Variants in CCPG1 observed in about 807,000 individuals in gnomAD.
CCPG1 encodes the protein cell cycle progression protein 1.
Under a neutral mutation model 81.3 loss-of-function variants are expected in CCPG1, and 46 were observed. The observed-to-expected ratio is 0.57, with a 90% CI of 0.45 to 0.72. The LOEUF (loss-of-function observed/expected upper bound fraction) is 0.72. CCPG1 is among the 30% of genes least tolerant of loss of function. The probability of loss-of-function intolerance (pLI) is 0.00; values close to 1 mark genes in which losing one functional copy is unlikely to be tolerated. For missense variants in CCPG1, 902 were observed against 937.6 expected (o/e 0.96, Z 0.50); for synonymous variants, 330 against 305.2 (o/e 1.08, Z -0.85).
At chr15:55,380,638 G>GA (rs1168957029) in intron 3 of CCPG1, among the ~76,000 whole-genome samples, 3 of 150,700 alleles carry the variant, frequency 2.0e-5, no homozygotes, top group Non-Finnish European at 3.0e-5. Flanking sequence ...AAAGAACAGG[G>GA]AAAAAAAAAT....
intron 1 of CCPG1, among the ~76,000 whole-genome samples, chr15:55,395,938 G>A (rs2057008244): frequency 6.6e-6 from 1 of 152,036 alleles, no homozygotes; most frequent in African/African-American, 2.4e-5. Flanking sequence ...GGCAGATCAG[G>A]AGGTCAGGAG....
chr15:55,376,294 C>G (rs970799478), intron 5 of CCPG1, among the ~76,000 whole-genome samples: 1 of 152,178 alleles, frequency 6.6e-6, no homozygotes, highest in Non-Finnish European at 1.5e-5. Flanking sequence ...ACTGCTAAAA[C>G]TGAGCTGAAG....
At position 55,360,618 on chromosome 15, in the gene CCPG1, T is replaced by A; in HGVS notation, c.1155A>T (p.Glu385Asp). 1 of 1,614,126 alleles carries A rather than the reference T, an allele frequency of 6.2e-7. No individual in the cohort carries two copies. The highest frequency in any genetic ancestry group is 8.5e-7 in the Non-Finnish European group (1 of 1,180,012). ...LLTEAKMLKR[E>D]LERERLVTTA... ...TAGTTACTAGTCGTTCTCTCTCCAGTTCTCTCTTTAGCATCTTTGCTTCTG... is the reference window on the plus strand; with the variant it reads ...TAGTTACTAGTCGTTCTCTCTCCAGATCTCTCTTTAGCATCTTTGCTTCTG... Residue 385 changes from glutamate (E) to aspartate (D), a missense_variant, in exon 8 of 9, where the codon GAA (glutamate) becomes GAT (aspartate). By Grantham distance (45) the Glu-to-Asp change is conservative. Transcript: ENST00000442196.
At chr15:55,400,941 G>A (rs1158571798) in intron 1 of CCPG1, among the ~76,000 whole-genome samples, 1 of 152,094 alleles carries the variant, frequency 6.6e-6, no homozygotes, top group Non-Finnish European at 1.5e-5. Flanking sequence ...TCTTTATTAT[G>A]TTTCAAATTT....
intron 8 of CCPG1, chr15:55,358,998 G>A: frequency 1.0e-6 from 1 of 979,038 alleles, no homozygotes; most frequent in Non-Finnish European, 1.2e-6. Context: ...AATTTGACTT[G>A]CTTAGTTTGC....
intron 5 of CCPG1, chr15:55,374,291 A>G: frequency 1.9e-6 from 2 of 1,033,108 alleles, no homozygotes; most frequent in Non-Finnish European, 2.6e-6. Flanking sequence ...ATAAAGCTAT[A>G]TTATAAAGAC....
chr15:55,357,264 G>T, intron 8 of CCPG1: 1 of 968,554 alleles, frequency 1.0e-6, no homozygotes, highest in Non-Finnish European at 1.2e-6. Context: ...CAGAAATCTA[G>T]AAGTCACTGT....
intron 1 of CCPG1, among the ~76,000 whole-genome samples, chr15:55,392,485 G>A (rs557683716): frequency 6.6e-6 from 1 of 151,578 alleles, no homozygotes; most frequent in Non-Finnish European, 1.5e-5. Context: ...CCAAAGTGCT[G>A]GGATTACAAG....
chr15:55,376,733 A>C (rs906292016), intron 5 of CCPG1, among the ~76,000 whole-genome samples: 2 of 152,204 alleles, frequency 1.3e-5, no homozygotes, highest in Non-Finnish European at 2.9e-5. Flanking sequence ...ATTTAATGGC[A>C]AAAGATGGTT....
At chr15:55,378,424 T>C (rs1332807849) in intron 3 of CCPG1, 48 bp from the exon 4 acceptor site, 5 of 1,190,908 alleles carry the variant, frequency 4.2e-6, no homozygotes, top group Admixed American at 2.0e-5. Flanking sequence ...TTTAAAACTC[T>C]CTGTTGACTT....
At chr15:55,372,431 C>A (rs990343740) in intron 5 of CCPG1, 8 of 217,630 alleles carry the variant, frequency 3.7e-5, no homozygotes, top group African/African-American at 1.9e-4. Context: ...GAGGCCGAGG[C>A]GGGCAGATCA....
chr15:55,381,086 G>A (rs1347040631), intron 3 of CCPG1, among the ~76,000 whole-genome samples: 1 of 151,722 alleles, frequency 6.6e-6, no homozygotes, highest in Non-Finnish European at 1.5e-5. Context: ...GCAGCGAGCC[G>A]AGATCCCGCC....
At chr15:55,363,365 A>G (rs1405486600) in intron 7 of CCPG1, among the ~76,000 whole-genome samples, 1 of 101,516 alleles carries the variant, frequency 9.9e-6, no homozygotes, top group African/African-American at 7.6e-5. Context: ...AAAACAAACA[A>G]AACAAAAAAA....
intron 2 of CCPG1, 131 bp downstream of exon 2, chr15:55,389,234 A>G (rs1018163208): frequency 1.2e-5 from 8 of 650,158 alleles, no homozygotes; most frequent in Admixed American, 8.0e-5. Flanking sequence ...GAAGTTTAAT[A>G]TGAGAGGGAA....
chr15:55,392,681 T>C (rs934883034), intron 1 of CCPG1, among the ~76,000 whole-genome samples: 1 of 152,090 alleles, frequency 6.6e-6, no homozygotes, highest in African/African-American at 2.4e-5. Flanking sequence ...CCACCATGCC[T>C]AATATTTGTA....
intron 8 of CCPG1, chr15:55,357,098 GCAA>G: frequency 2.0e-6 from 2 of 985,206 alleles, no homozygotes; most frequent in Non-Finnish European, 2.4e-6. Flanking sequence ...TACAGTCTCG[GCAA>G]AAGAGATGAC....
intron 8 of CCPG1, 191 bp from the exon 9 acceptor site, chr15:55,356,600 G>A (rs1392926585): frequency 7.3e-6 from 9 of 1,234,202 alleles, no homozygotes; most frequent in Non-Finnish European, 9.1e-6. Flanking sequence ...CCTATAGAAA[G>A]AAAAAATAGA....
At position 55,388,293 on chromosome 15, in the gene CCPG1, A is replaced by G. The variant is rs76925275; in HGVS notation, c.60+1072T>C. On this transcript the variant is annotated intron_variant, in intron 2 of 8. Coordinates refer to ENST00000442196, the MANE Select transcript of CCPG1 (RefSeq NM_001204450.2). ...TATTTCTGTTTATCAATATACTGCC[A>G]TTTTTCTACAGTGAACATATATTAC... Among the ~76,000 whole-genome samples, 155 of 152,312 alleles carry G rather than the reference A, an allele frequency of 1.0e-3. 3 individuals carry two copies. The East Asian group carries it at 0.026, about 26-fold the overall frequency.
chr15:55,359,738 G>T lies in CCPG1; in HGVS notation c.2035C>A (p.Gln679Lys). The stretch of plus-strand genomic sequence containing the variant: ...TTTAGGAAAAACTTATTGATGAACT[G>T]ATCAAGTTCGTTCCAGTGACAAAAA... ...DTFCHWNELD[Q>K]FINKFFLNGV... Residue 679 changes from glutamine to lysine, a missense_variant, in exon 8 of 9, where the codon CAG (glutamine) becomes AAG (lysine). Around this residue, in one of 3 missense-constraint regions of CCPG1, gnomAD observed 128 missense variants for 161.2 expected, o/e 0.79. Coordinates refer to ENST00000442196, the MANE Select transcript of CCPG1 (RefSeq NM_001204450.2). 6.2e-7 allele frequency: 1 copy of T among 1,613,422 alleles called. No homozygotes were observed. The highest frequency in any genetic ancestry group is 1.1e-5 in the South Asian group (1 of 91,042).
Sources: allele counts gnomAD v4.1 joint callset (sites outside exome capture counted in the v4.1 genomes callset), GRCh38; gene constraint gnomAD v4.1.1; regional missense constraint gnomAD v4.1.1; transcripts MANE v1.5; gene names NCBI Gene and HGNC (gene_info 2026-07-23, HGNC 2026-07-21).